The following MYH10 variants were observed in gnomAD, a reference collection of about 807,000 sequenced individuals.
MYH10 encodes myosin heavy chain 10.
A neutral mutation model predicts 257.8 loss-of-function variants in MYH10; 55 were observed. The observed-to-expected ratio is 0.21, with a 90% confidence interval of 0.17 to 0.27. The LOEUF (loss-of-function observed/expected upper bound fraction) is 0.27, where lower values mean the gene tolerates loss of function less well. Ranked by LOEUF, MYH10 falls within the 10% of genes least tolerant of loss-of-function variation. The pLI, the probability that MYH10 is intolerant of heterozygous loss-of-function variation, is 1.00. For missense variants in MYH10, 1,631 were observed against 2,500.6 expected (o/e 0.65, Z 7.42); for synonymous variants, 854 against 921.7 (o/e 0.93, Z 1.33).
chr17:8,486,515 AC>A (rs1914803517), intron 36 of MYH10, among the ~76,000 whole-genome samples: 4 of 150,190 alleles, frequency 2.7e-5, no homozygotes, highest in African/African-American at 9.8e-5. Context: ...GGGAAAAAAA[AC>A]AAAAAAAAAA....
At chr17:8,481,747 AC>A (rs1354729492) in intron 37 of MYH10, among the ~76,000 whole-genome samples, 1 of 152,178 alleles carries the variant, frequency 6.6e-6, no homozygotes, top group Non-Finnish European at 1.5e-5. Context: ...CTTTATATAA[AC>A]CCTGAACCCT....
In MYH10 at chr17:8,569,483, CAG is replaced by C. The variant is rs919830680; in HGVS notation, c.756+235_756+236del. Among the ~76,000 whole-genome samples, 37 of 152,202 alleles carry C rather than the reference CAG, an allele frequency of 2.4e-4. No individual in the cohort carries two copies. The highest frequency in any genetic ancestry group is 8.7e-4 in the African/African-American group (36 of 41,520). ...TAAATTACATATCCATAAAATAAGA[CAG>C]AGTTATACATTTCTGTATGATAAAA... On this transcript the variant is annotated intron_variant, in intron 7 of 42. Transcript: ENST00000360416. This position sits in a 1 kb window ranked among gnomAD's most constrained non-coding sequence, Gnocchi z 4.1.
intron 4 of MYH10, among the ~76,000 whole-genome samples, chr17:8,579,176 G>A (rs1444769600): frequency 6.6e-6 from 1 of 152,018 alleles, no homozygotes; most frequent in African/African-American, 2.4e-5. Flanking sequence ...CTACTCAGGA[G>A]GCTGAGGTGG....
chr17:8,512,402 C>G (rs769948879), intron 24 of MYH10, 49 bp downstream of exon 24: 2 of 1,436,272 alleles, frequency 1.4e-6, no homozygotes, highest in Admixed American at 3.9e-5. Context: ...TTCAACAGAT[C>G]CACTTGAAAA....
At chr17:8,507,885 T>C (rs188644553) in intron 26 of MYH10, among the ~76,000 whole-genome samples, 12 of 152,162 alleles carry the variant, frequency 7.9e-5, no homozygotes, top group African/African-American at 2.2e-4. Flanking sequence ...GGCAAGAGAA[T>C]TGCTTGAACG....
At chr17:8,491,100 G>C (rs545636276) in intron 34 of MYH10, among the ~76,000 whole-genome samples, 44 of 152,348 alleles carry the variant, frequency 2.9e-4, no homozygotes, top group African/African-American at 9.6e-4. Context: ...GCACTGTGCT[G>C]AGAGCTCCAC....
chr17:8,585,282 G>GTATATATATA (rs1312166648), intron 4 of MYH10, among the ~76,000 whole-genome samples: 1 of 6,758 alleles, frequency 1.5e-4, no homozygotes, highest in African/African-American at 1.9e-4. Flanking sequence ...GTGCATGTGT[G>GTATATATATA]TGTGTGTATA....
At chr17:8,627,697 A>G (rs2085736593) in intron 1 of MYH10, among the ~76,000 whole-genome samples, 1 of 152,226 alleles carries the variant, frequency 6.6e-6, no homozygotes, top group South Asian at 2.1e-4. Flanking sequence ...TTAACAGTGT[A>G]CCACTCACCA....
Position 8,490,631 on chromosome 17 carries a change from G to T in MYH10, c.4672-79C>A. The T allele has an allele frequency of 6.9e-7, 1 of 1,448,628 alleles. No homozygotes were observed. Among genetic ancestry groups the T allele is most frequent in the Non-Finnish European group, 9.6e-7 (1 of 1,037,152 alleles). The allele number at this position is 1,448,628 out of a possible 1,614,324, so 89.7% of individuals were successfully genotyped here. A position where few individuals can be genotyped will look rare whatever the true frequency, so the allele number is the denominator to read the frequency against. On this transcript the variant is annotated intron_variant, in intron 34 of 42. Coordinates refer to ENST00000360416, the MANE Select transcript of MYH10 (RefSeq NM_001256012.3). This position sits in a 1 kb window ranked among gnomAD's most constrained non-coding sequence, Gnocchi z 4.1. ...GAACAGCAGTCTTACTGTTTTACAG[G>T]CCCACTCGTGGCATGCTGGCCACTT...
chr17:8,486,692 A>G (rs1456383999), intron 36 of MYH10, among the ~76,000 whole-genome samples: 3 of 150,246 alleles, frequency 2.0e-5, no homozygotes, highest in African/African-American at 7.5e-5. Context: ...ATACACACAC[A>G]TGTGTAGAGT....
At chr17:8,500,652 T>C (rs1417872622) in intron 29 of MYH10, among the ~76,000 whole-genome samples, 174 bp downstream of exon 29, 2 of 152,168 alleles carry the variant, frequency 1.3e-5, no homozygotes, top group African/African-American at 4.8e-5. Flanking sequence ...GGAGACAGTG[T>C]GTTTTCTGAA....
chr17:8,611,572 A>G (rs1365757232), intron 2 of MYH10, among the ~76,000 whole-genome samples: 1 of 152,180 alleles, frequency 6.6e-6, no homozygotes, highest in East Asian at 1.9e-4. Context: ...CTGAAAAACA[A>G]AACAAAACAA....
rs1307779720 is a variant in MYH10, at chr17:8,504,301, C to A, written c.3599+393G>T. Among the ~76,000 whole-genome samples, 1 of 152,188 alleles carries A rather than the reference C, an allele frequency of 6.6e-6. No homozygotes were observed. Among genetic ancestry groups the A allele is most frequent in the Non-Finnish European group, 1.5e-5 (1 of 68,034 alleles). The stretch of plus-strand genomic sequence containing the variant: ...CGTTCACACCACCTAGCACTGCCAG[C>A]ATGTGTGCCTGGCCTCCTGGGTATC... On this transcript the variant is annotated intron_variant, in intron 28 of 42. Coordinates refer to ENST00000360416, the MANE Select transcript of MYH10 (RefSeq NM_001256012.3). The surrounding 1 kb of genome is among the most constrained non-coding windows in gnomAD (Gnocchi z 5.6).
At chr17:8,502,459 C>T (rs1049405096) in intron 28 of MYH10, among the ~76,000 whole-genome samples, 4 of 137,736 alleles carry the variant, frequency 2.9e-5, no homozygotes, top group African/African-American at 7.9e-5. Flanking sequence ...ACTAGCAGCA[C>T]GTTGTCTTTT....
At chr17:8,571,916 T>C (rs902382150) in intron 6 of MYH10, among the ~76,000 whole-genome samples, 11 of 98,764 alleles carry the variant, frequency 1.1e-4, no homozygotes, top group African/African-American at 2.2e-4. Context: ...ACTGTTTGGG[T>C]CTCTAAAAGC....
chr17:8,498,779 CAG>C (rs1567802001), intron 30 of MYH10, among the ~76,000 whole-genome samples: 1 of 151,986 alleles, frequency 6.6e-6, no homozygotes, highest in African/African-American at 2.4e-5. Flanking sequence ...ACCCGGGAGA[CAG>C]AGGGTGCAGT....
intron 35 of MYH10, among the ~76,000 whole-genome samples, chr17:8,489,743 A>ACACC (rs1555570906): frequency 2.1e-4 from 31 of 150,260 alleles, no homozygotes; most frequent in South Asian, 1.3e-3. Context: ...ACACACACAC[A>ACACC]CACCCCAAAT....
chr17:8,616,937 G>C (rs899784678), intron 2 of MYH10, among the ~76,000 whole-genome samples: 40 of 152,022 alleles, frequency 2.6e-4, no homozygotes, highest in African/African-American at 9.2e-4. Flanking sequence ...ACAGACCCAG[G>C]AAATACAACA....
chr17:8,541,049 T>C (rs1393919532), intron 14 of MYH10, among the ~76,000 whole-genome samples: 2 of 152,250 alleles, frequency 1.3e-5, no homozygotes, highest in Middle Eastern at 3.2e-3. Flanking sequence ...TTTCTATTGC[T>C]TTCCTTAAAC....
Sources: allele counts gnomAD v4.1 joint callset (sites outside exome capture counted in the v4.1 genomes callset), GRCh38; gene constraint gnomAD v4.1.1; non-coding constraint Gnocchi (gnomAD v3.1); transcripts MANE v1.5; gene names NCBI Gene and HGNC (gene_info 2026-07-23, HGNC 2026-07-21).